CDH18: variants seen among roughly 807,000 people sequenced by gnomAD.
The protein encoded by CDH18 is cadherin-18.
In CDH18, 31 loss-of-function variants were observed where a neutral mutation model predicts 67.9. That is an observed-to-expected ratio of 0.46 (90% CI 0.34 to 0.62). The LOEUF (loss-of-function observed/expected upper bound fraction) is 0.62, where lower values mean the gene tolerates loss of function less well. CDH18 is among the 20% of genes least tolerant of loss of function. CDH18 has a pLI of 0.01. For synonymous variants in CDH18, 362 were observed against 347.2 expected, an observed-to-expected ratio of 1.04 and a Z score of -0.48; for missense variants, 890 against 975.5, an observed-to-expected ratio of 0.91 and a Z score of 1.17.
rs1737889701 is a variant in CDH18 at position 19,553,773 on chromosome 5, TG to T, written c.1254-9769del. Among the ~76,000 whole-genome samples the T allele has an allele frequency of 2.0e-5, 3 of 151,858 alleles. No individual in the cohort carries two copies. In the South Asian group the frequency reaches 6.2e-4, roughly 32 times the overall value. ...CTCCCAACTCAGCCTCTGAAGAAGCTGGGACCATAGGTGTATGCCACCCTAA... is the reference window on the plus strand; with the variant it reads ...CTCCCAACTCAGCCTCTGAAGAAGCTGGACCATAGGTGTATGCCACCCTAA... On this transcript the variant is annotated intron_variant, in intron 8 of 12. Coordinates refer to ENST00000382275, the MANE Select transcript of CDH18 (RefSeq NM_004934.5).
chr5:19,863,978 C>T (rs992886090), intron 2 of CDH18, among the ~76,000 whole-genome samples: 3 of 151,812 alleles, frequency 2.0e-5, no homozygotes, highest in Admixed American at 1.3e-4. Context: ...GGTGATTCCT[C>T]AGGGATCTAG....
intron 2 of CDH18, among the ~76,000 whole-genome samples, chr5:20,095,392 GAAGAAAGAAAGA>G (rs746033336): frequency 0.025 from 1,575 of 64,220 alleles, 49 homozygotes; most frequent in East Asian, 0.048. Context: ...AAGAGAAACA[GAAGAAAGAAAGA>G]AAGAAAGAAA....
At chr5:20,225,374 C>T (rs75891408) in intron 2 of CDH18, among the ~76,000 whole-genome samples, 1,739 of 151,962 alleles carry the variant, frequency 0.011, 32 homozygotes, top group African/African-American at 0.039. Flanking sequence ...ATTTGTGGAA[C>T]GAATAGATAA....
chr5:19,731,039 C>G (rs1767524661), intron 4 of CDH18, among the ~76,000 whole-genome samples: 1 of 152,084 alleles, frequency 6.6e-6, no homozygotes, highest in African/African-American at 2.4e-5. Flanking sequence ...TGGTTTACAT[C>G]TTTGATTTTA....
At chr5:20,292,761 A>G (rs1025610725) in intron 1 of CDH18, among the ~76,000 whole-genome samples, 1 of 152,032 alleles carries the variant, frequency 6.6e-6, no homozygotes, top group Non-Finnish European at 1.5e-5. Flanking sequence ...TGCCTCAATC[A>G]TCACATGGCA....
intron 1 of CDH18, among the ~76,000 whole-genome samples, chr5:20,258,264 A>G (rs1289829951): frequency 1.3e-5 from 2 of 152,138 alleles, no homozygotes; most frequent in South Asian, 2.1e-4. Flanking sequence ...AAGAGTGTCA[A>G]TAAGAAAAAA....
intron 3 of CDH18, among the ~76,000 whole-genome samples, chr5:19,763,383 G>GAGT (rs1430293867): frequency 6.6e-6 from 1 of 152,278 alleles, no homozygotes; most frequent in East Asian, 1.9e-4. Context: ...GCTTCTCAAA[G>GAGT]AGTAGATATG....
At chr5:20,197,505 C>T (rs1157038982) in intron 2 of CDH18, among the ~76,000 whole-genome samples, 2 of 152,160 alleles carry the variant, frequency 1.3e-5, no homozygotes, top group African/African-American at 2.4e-5. Flanking sequence ...TCAAAATACC[C>T]TTGACATGAC....
chr5:19,934,562 GT>G (rs1794036494), intron 2 of CDH18, among the ~76,000 whole-genome samples: 1 of 151,532 alleles, frequency 6.6e-6, no homozygotes, highest in East Asian at 1.9e-4. Context: ...GTTTAAACAT[GT>G]TTTTTAAAGG....
intron 2 of CDH18, among the ~76,000 whole-genome samples, chr5:19,852,046 C>T (rs527267517): frequency 6.6e-6 from 1 of 152,122 alleles, no homozygotes; most frequent in East Asian, 1.9e-4. Flanking sequence ...CAATATCTCA[C>T]TTGTATCATG....
chr5:19,483,285 G>A lies in CDH18; in HGVS notation c.1882+16C>T, dbSNP rs1402947957. 1 of 1,603,022 alleles carries A rather than the reference G, an allele frequency of 6.2e-7. No homozygotes were observed. The highest frequency in any genetic ancestry group is 2.2e-5 in the East Asian group (1 of 44,766). ...AGAATTGCCATCATGCAAACTTAGG[G>A]TTTAGAATGACTTACCCAGGAGAAT... On this transcript the variant is annotated intron_variant, in intron 12 of 12. Transcript: ENST00000382275.
chr5:19,645,983 G>A (rs930724652), intron 5 of CDH18, among the ~76,000 whole-genome samples: 4 of 152,122 alleles, frequency 2.6e-5, no homozygotes, highest in Non-Finnish European at 4.4e-5. Context: ...ATATATGGAA[G>A]CAAGAAAAGA....
intron 1 of CDH18, among the ~76,000 whole-genome samples, chr5:20,401,592 A>G (rs1199141916): frequency 2.6e-5 from 4 of 152,156 alleles, no homozygotes; most frequent in African/African-American, 9.7e-5. Flanking sequence ...TTTCTCACAT[A>G]AAGAAACCAC....
intron 1 of CDH18, among the ~76,000 whole-genome samples, chr5:20,431,504 A>AAAAAAAAAAAGAAG (rs536468948): frequency 6.2e-4 from 86 of 138,746 alleles, no homozygotes; most frequent in Non-Finnish European, 1.0e-3. Flanking sequence ...AAAAAAAAAA[A>AAAAAAAAAAAGAAG]AAGAAGAAGA....
chr5:20,354,397 T>C (rs1353855846), intron 1 of CDH18, among the ~76,000 whole-genome samples: 1 of 152,210 alleles, frequency 6.6e-6, no homozygotes, highest in Non-Finnish European at 1.5e-5. Context: ...TTTATGCTCT[T>C]ACTTAATTCC....
intron 2 of CDH18, among the ~76,000 whole-genome samples, chr5:20,204,392 C>G (rs528091484): frequency 7.9e-5 from 12 of 152,058 alleles, no homozygotes; most frequent in African/African-American, 2.9e-4. Context: ...GTACTGTATT[C>G]AGCAATTCTG....
At chr5:19,742,697 A>G (rs1298710340) in intron 4 of CDH18, among the ~76,000 whole-genome samples, 1 of 151,910 alleles carries the variant, frequency 6.6e-6, no homozygotes, top group East Asian at 1.9e-4. Context: ...TTTTATTACT[A>G]GCCACTATCA....
chr5:19,624,289 G>A (rs1333033832), intron 5 of CDH18, among the ~76,000 whole-genome samples: 2 of 151,992 alleles, frequency 1.3e-5, no homozygotes, highest in East Asian at 3.9e-4. Context: ...TTACAGGTGT[G>A]AGCCACCACC....
Position 20,006,704 on chromosome 5 carries a change from T to C in CDH18, c.-517-14690A>G, listed in dbSNP as rs570068577. On this transcript the variant is annotated intron_variant, in intron 2 of 14. Transcript: ENST00000507958. The stretch of plus-strand genomic sequence containing the variant: ...AATCATTACCATTATTATAAAGATA[T>C]AATGTTGTTTTAAACATATGTCATG... 2.6e-5 allele frequency among the ~76,000 whole-genome samples: 4 copies of C among 152,144 alleles called. 1 individual carries two copies. Among genetic ancestry groups the C allele is most frequent in the South Asian group, 4.1e-4 (2 of 4,830 alleles).
Sources: allele counts gnomAD v4.1 joint callset (sites outside exome capture counted in the v4.1 genomes callset), GRCh38; gene constraint gnomAD v4.1.1; transcripts MANE v1.5; gene names NCBI Gene and HGNC (gene_info 2026-07-23, HGNC 2026-07-21).